The following SUCLG2 variants were observed in gnomAD, a reference collection of about 807,000 sequenced individuals.
The protein encoded by SUCLG2 is succinate--CoA ligase [GDP-forming] subunit beta, mitochondrial.
In SUCLG2, 42 loss-of-function variants were observed where a neutral mutation model predicts 47.9. That is an observed-to-expected ratio of 0.88 (90% CI 0.69 to 1.14). The LOEUF (loss-of-function observed/expected upper bound fraction) is 1.14. Ranked by LOEUF, SUCLG2 falls within the 50% of genes most tolerant of loss-of-function variation. SUCLG2 has a pLI of 0.00. For missense variants in SUCLG2, 571 were observed against 525.9 expected (o/e 1.09, Z -0.84); for synonymous variants, 195 against 197.3 (o/e 0.99, Z 0.10).
intron 2 of SUCLG2, among the ~76,000 whole-genome samples, chr3:67,543,914 G>T (rs1459540572): frequency 6.6e-6 from 1 of 152,154 alleles, no homozygotes; most frequent in Non-Finnish European, 1.5e-5. Context: ...ACCACATGGG[G>T]TCGGGGTGTT....
In SUCLG2 at chr3:67,555,222, A is replaced by T. The variant is rs562821826; in HGVS notation, c.227-26036T>A. On this transcript the variant is annotated intron_variant, in intron 2 of 10. Coordinates refer to ENST00000307227, the MANE Select transcript of SUCLG2 (RefSeq NM_003848.4). ...AAAGAACCCTGAGATTTAGGAATGA[A>T]ATTGGAAGTATCAATATAAACCCAA... Among the ~76,000 whole-genome samples, 8 of 152,338 alleles carry T rather than the reference A, an allele frequency of 5.3e-5. No individual in the cohort carries two copies. In the East Asian group the frequency reaches 1.3e-3, roughly 26 times the overall value.
At chr3:67,447,428 T>C (rs552763422) in intron 9 of SUCLG2, among the ~76,000 whole-genome samples, 28 of 152,146 alleles carry the variant, frequency 1.8e-4, no homozygotes, top group Admixed American at 3.3e-4. Flanking sequence ...ATGGCAGGCA[T>C]TGGGATAGAT....
chr3:67,523,289 C>A (rs1013942071), intron 4 of SUCLG2, among the ~76,000 whole-genome samples: 1 of 152,034 alleles, frequency 6.6e-6, no homozygotes, highest in African/African-American at 2.4e-5. Context: ...GTTGAATTTA[C>A]CATTAGTTAA....
chr3:67,442,504 A>T (rs1703792291), intron 9 of SUCLG2, among the ~76,000 whole-genome samples: 1 of 152,140 alleles, frequency 6.6e-6, no homozygotes, highest in Non-Finnish European at 1.5e-5. Context: ...TTTCCAGGGG[A>T]TTCTTATGCA....
chr3:67,398,241 A>C (rs1338235539), intron 10 of SUCLG2, among the ~76,000 whole-genome samples: 1 of 150,570 alleles, frequency 6.6e-6, no homozygotes, highest in Non-Finnish European at 1.5e-5. Flanking sequence ...GCAATCTACA[A>C]AATGGGAGAA....
chr3:67,381,691 C>G (rs550437411), intron 10 of SUCLG2, among the ~76,000 whole-genome samples: 11 of 152,166 alleles, frequency 7.2e-5, no homozygotes, highest in Non-Finnish European at 1.5e-4. Context: ...TTGTTGAGAG[C>G]CACTCAGCTA....
At chr3:67,402,879 A>G (rs1266473492) in intron 9 of SUCLG2, among the ~76,000 whole-genome samples, 2 of 152,224 alleles carry the variant, frequency 1.3e-5, no homozygotes, top group African/African-American at 4.8e-5. Context: ...CATTTTACAG[A>G]GTATAGTTTA....
At chr3:67,518,492 G>A (rs533551383) in intron 5 of SUCLG2, among the ~76,000 whole-genome samples, 156 bp from the exon 6 acceptor site, 1 of 152,214 alleles carries the variant, frequency 6.6e-6, no homozygotes, top group South Asian at 2.1e-4. Flanking sequence ...ATGCCTGTAG[G>A]GTATGTTTTA....
chr3:67,605,630 G>A (rs2107305477), intron 2 of SUCLG2, among the ~76,000 whole-genome samples: 1 of 152,014 alleles, frequency 6.6e-6, no homozygotes, highest in Middle Eastern at 3.4e-3. Flanking sequence ...CCACCTTAAG[G>A]AGCATCATAG....
intron 10 of SUCLG2, among the ~76,000 whole-genome samples, chr3:67,399,222 C>T (rs894834664): frequency 1.3e-5 from 2 of 151,856 alleles, no homozygotes; most frequent in African/African-American, 2.4e-5. Context: ...AACCTCAACC[C>T]TTGATTACAC....
intron 2 of SUCLG2, among the ~76,000 whole-genome samples, chr3:67,564,033 T>C (rs1482831242): frequency 6.6e-6 from 1 of 150,502 alleles, no homozygotes; most frequent in Non-Finnish European, 1.5e-5. Context: ...CTTTTGCCAA[T>C]TAAGTGATAT....
At chr3:67,436,910 CCTTTTTCTTTG>C (rs1425644502) in intron 9 of SUCLG2, among the ~76,000 whole-genome samples, 3 of 152,002 alleles carry the variant, frequency 2.0e-5, no homozygotes, top group South Asian at 4.2e-4. Flanking sequence ...TGTACTTTGT[CCTTTTTCTTTG>C]CTTTTTCTTT....
At chr3:67,577,762 C>A (rs1385378590) in intron 2 of SUCLG2, among the ~76,000 whole-genome samples, 2 of 152,112 alleles carry the variant, frequency 1.3e-5, no homozygotes, top group Admixed American at 1.3e-4. Flanking sequence ...TGGTATGCAG[C>A]CAGGTACACC....
chr3:67,491,318 A>C (rs1025251525), intron 9 of SUCLG2, among the ~76,000 whole-genome samples: 3 of 147,500 alleles, frequency 2.0e-5, no homozygotes, highest in African/African-American at 7.5e-5. Context: ...CATGAGGAGG[A>C]GGCTTCCAGG....
chr3:67,376,396 G>T (rs1237133024), intron 10 of SUCLG2: 1 of 985,306 alleles, frequency 1.0e-6, no homozygotes, highest in Admixed American at 6.1e-5. Flanking sequence ...TCTCTTGACT[G>T]TTCCTGGTGG....
intron 2 of SUCLG2, among the ~76,000 whole-genome samples, chr3:67,582,870 C>A (rs756272825): frequency 6.0e-5 from 9 of 150,770 alleles, no homozygotes; most frequent in South Asian, 2.1e-4. Flanking sequence ...CCCTCCCCCA[C>A]CAAAAAAAAC....
intron 2 of SUCLG2, among the ~76,000 whole-genome samples, chr3:67,547,746 G>C (rs878926656): frequency 6.7e-6 from 1 of 148,282 alleles, no homozygotes; most frequent in Admixed American, 6.6e-5. Context: ...ACACTGACTT[G>C]GGAATGCTAC....
intron 1 of SUCLG2, among the ~76,000 whole-genome samples, chr3:67,624,163 A>G (rs552606303): frequency 6.6e-6 from 1 of 152,350 alleles, no homozygotes; most frequent in South Asian, 2.1e-4. Context: ...ATAGCAAGAG[A>G]CTTCTCATCA....
intron 2 of SUCLG2, among the ~76,000 whole-genome samples, chr3:67,586,089 A>G (rs184322156): frequency 1.5e-3 from 222 of 152,338 alleles, no homozygotes; most frequent in African/African-American, 4.7e-3. Flanking sequence ...AGCCAAAAAA[A>G]TCACACCCAC....
Sources: allele counts gnomAD v4.1 joint callset (sites outside exome capture counted in the v4.1 genomes callset), GRCh38; gene constraint gnomAD v4.1.1; transcripts MANE v1.5; gene names NCBI Gene and HGNC (gene_info 2026-07-23, HGNC 2026-07-21).